The following AFDN variants were observed in gnomAD, a reference collection of about 807,000 sequenced individuals.
AFDN encodes afadin, adherens junction formation factor.
A neutral mutation model predicts 216.6 loss-of-function variants in AFDN; 68 were observed. The observed-to-expected ratio is 0.31, with a 90% CI of 0.26 to 0.38. AFDN has a LOEUF of 0.38. Among genes scored for constraint, AFDN ranks in the 10% least tolerant of loss-of-function variants. The pLI, the probability that AFDN is intolerant of heterozygous loss-of-function variation, is 1.00. For synonymous variants in AFDN, 868 were observed against 853.7 expected (o/e 1.02, Z -0.29); for missense variants, 2,136 against 2,342.0 (o/e 0.91, Z 1.82).
At chr6:167,922,098 G>A (rs1012548806) in intron 21 of AFDN, among the ~76,000 whole-genome samples, 5 of 152,224 alleles carry the variant, frequency 3.3e-5, no homozygotes, top group Admixed American at 6.5e-5. Flanking sequence ...GAAGATGGCA[G>A]TAGAGAAAAT....
intron 1 of AFDN, among the ~76,000 whole-genome samples, chr6:167,844,210 GT>G (rs1781387011): frequency 6.7e-6 from 1 of 148,768 alleles, no homozygotes; most frequent in Non-Finnish European, 1.5e-5. Context: ...GTGTGTGTGT[GT>G]GTGTGTGTTT....
intron 13 of AFDN, among the ~76,000 whole-genome samples, chr6:167,909,789 ATTAAGT>A (rs1253601872): frequency 1.3e-5 from 2 of 152,200 alleles, no homozygotes; most frequent in African/African-American, 4.8e-5. Flanking sequence ...TTCATTTTTC[ATTAAGT>A]TTGCGGAAGG....
intron 12 of AFDN, among the ~76,000 whole-genome samples, chr6:167,905,709 C>G (rs1243504795): frequency 1.3e-5 from 2 of 151,964 alleles, no homozygotes; most frequent in Non-Finnish European, 2.9e-5. Context: ...TAAACATACT[C>G]TAATTTCTTT....
chr6:167,911,276 T>G lies in AFDN; in HGVS notation c.1832-8T>G. On this transcript the variant is annotated splice_polypyrimidine_tract_variant and splice_region_variant and intron_variant, in intron 14 of 33. Coordinates refer to ENST00000683244, the MANE Select transcript of AFDN (RefSeq NM_001386888.1). The stretch of plus-strand genomic sequence containing the variant: ...CCTTTTTTCTTTGTTTTTGAAATCT[T>G]TCCACAGCTGAAGATTCATTTTTGT... 1 of 1,612,682 alleles carries G rather than the reference T, an allele frequency of 6.2e-7. No homozygotes were observed. Among genetic ancestry groups the G allele is most frequent in the South Asian group, 1.1e-5 (1 of 90,898 alleles).
At chr6:167,878,832 C>T (rs989432679) in intron 5 of AFDN, among the ~76,000 whole-genome samples, 2 of 152,126 alleles carry the variant, frequency 1.3e-5, no homozygotes, top group African/African-American at 4.8e-5. Context: ...TTGCTGGTCC[C>T]CTGCTGAGAC....
chr6:167,896,808 G>A lies in AFDN; in HGVS notation c.1223-70G>A. ...ACTGTAGTGCCTGAGATAACCTTTT[G>A]TTTGTTGGAAATAACATGACAGTAA... On this transcript the variant is annotated intron_variant, in intron 9 of 33. Coordinates refer to ENST00000683244, the MANE Select transcript of AFDN (RefSeq NM_001386888.1). The A allele has an allele frequency of 4.3e-6, 4 of 925,002 alleles. 1 individual carries two copies. In the South Asian group the frequency reaches 4.6e-5, roughly 11 times the overall value. 57.3% of individuals were successfully genotyped at this position (925,002 alleles called of 1,614,324 possible).
Position 167,902,307 on chromosome 6 carries a change from A to G in AFDN, c.1581-10A>G. Reference sequence around the variant, plus strand: ...ATTAAGTCAGTGTGTTTCTTGTTTTATCCCATCAGAATTGTTCAGGAGACA... The same window carrying G: ...ATTAAGTCAGTGTGTTTCTTGTTTTGTCCCATCAGAATTGTTCAGGAGACA... On this transcript the variant is annotated splice_polypyrimidine_tract_variant and intron_variant, in intron 11 of 33. Transcript: ENST00000683244. 1 of 1,604,770 alleles carries G rather than the reference A, an allele frequency of 6.2e-7. No homozygotes were observed. The highest frequency in any genetic ancestry group is 1.1e-5 in the South Asian group (1 of 90,800).
At chr6:167,933,399 A>G (rs1471037548) in intron 23 of AFDN, among the ~76,000 whole-genome samples, 2 of 152,332 alleles carry the variant, frequency 1.3e-5, no homozygotes, top group East Asian at 1.9e-4. Context: ...CACTGTTTAG[A>G]GAGTCAGTTT....
chr6:167,922,131 C>T (rs982676187), intron 21 of AFDN, among the ~76,000 whole-genome samples: 4 of 151,994 alleles, frequency 2.6e-5, no homozygotes, highest in Admixed American at 6.6e-5. Context: ...GTTCAGGGCC[C>T]GTGTGATAGA....
rs1006515376 is a variant in AFDN, at chr6:167,926,448, TTA to T, written c.3099+1359_3099+1360del. Among the ~76,000 whole-genome samples, 69 of 152,224 alleles carry T rather than the reference TTA, an allele frequency of 4.5e-4. 1 individual carries two copies. The highest frequency in any genetic ancestry group is 1.0e-4 in the Non-Finnish European group (7 of 68,048). ...CCATCATGCTGTGAGACCTTTATTTTTATGTTTTAAAAGAGGCTGGGTCTTGC... is the reference window on the plus strand; with the variant it reads ...CCATCATGCTGTGAGACCTTTATTTTTGTTTTAAAAGAGGCTGGGTCTTGC... On this transcript the variant is annotated intron_variant, in intron 23 of 33. Coordinates refer to ENST00000683244, the MANE Select transcript of AFDN (RefSeq NM_001386888.1).
intron 15 of AFDN, among the ~76,000 whole-genome samples, chr6:167,912,509 G>T (rs1790524640): frequency 6.6e-6 from 1 of 152,124 alleles, no homozygotes; most frequent in African/African-American, 2.4e-5. Flanking sequence ...GTTTGATAGG[G>T]TTATGCTTCT....
At chr6:167,886,154 A>G (rs142882211) in intron 6 of AFDN, among the ~76,000 whole-genome samples, 3,005 of 151,768 alleles carry the variant, frequency 0.02, 54 homozygotes, top group Non-Finnish European at 0.033. Context: ...AACATGTGTT[A>G]TTCAGAATCA....
chr6:167,947,073 G>C (rs1795352564), intron 27 of AFDN, among the ~76,000 whole-genome samples, 172 bp downstream of exon 27: 1 of 152,026 alleles, frequency 6.6e-6, no homozygotes, highest in African/African-American at 2.4e-5. Context: ...CAAAAACTAA[G>C]ATGGAAAAAC....
intron 6 of AFDN, among the ~76,000 whole-genome samples, chr6:167,888,759 G>A (rs1057415833): frequency 1.4e-4 from 22 of 152,188 alleles, no homozygotes; most frequent in African/African-American, 5.1e-4. Flanking sequence ...TCAAGAAAAC[G>A]AAAACTATTC....
intron 16 of AFDN, 91 bp downstream of exon 16, chr6:167,913,514 G>C: frequency 1.7e-6 from 2 of 1,208,900 alleles, no homozygotes; most frequent in Non-Finnish European, 2.4e-6. Flanking sequence ...ACAACAGCTG[G>C]ACTGAACAGC....
At chr6:167,957,756 GTGGCTGCAGCTTTGCC>G (rs6149923) in intron 30 of AFDN, among the ~76,000 whole-genome samples, 46,630 of 151,744 alleles carry the variant, frequency 0.31, 7,723 homozygotes, top group East Asian at 0.61. Flanking sequence ...GGCCGTGACT[GTGGCTGCAGCTTTGCC>G]TGGCTGCAGC....
intron 8 of AFDN, among the ~76,000 whole-genome samples, chr6:167,892,023 T>C (rs970807782): frequency 2.0e-4 from 30 of 152,224 alleles, no homozygotes; most frequent in African/African-American, 6.5e-4. Flanking sequence ...TTCTTACAGC[T>C]AGGTTATTGC....
intron 30 of AFDN, among the ~76,000 whole-genome samples, chr6:167,956,716 G>T (rs1796556579): frequency 6.6e-6 from 1 of 152,170 alleles, no homozygotes; most frequent in African/African-American, 2.4e-5. Context: ...GATGCTTCGA[G>T]TTGCTCAGGC....
intron 8 of AFDN, among the ~76,000 whole-genome samples, chr6:167,891,402 GGGGT>G (rs202168067): frequency 0.076 from 7,727 of 101,268 alleles, 372 homozygotes; most frequent in African/African-American, 0.18. Flanking sequence ...ATTTCATAAA[GGGGT>G]GGGTGTGTGT....
Sources: gnomAD v4.1 joint callset for allele counts (sites outside exome capture counted in the v4.1 genomes callset) on GRCh38, gnomAD v4.1.1 for gene constraint, MANE v1.5 for transcripts, NCBI Gene and HGNC (gene_info 2026-07-23, HGNC 2026-07-21) for gene names.